The following ATXN7L1 variants were observed in gnomAD, a reference collection of about 807,000 sequenced individuals.
ATXN7L1 encodes the protein ataxin 7 like 1.
ATXN7L1 carries 15 observed loss-of-function variants against 70.8 expected under a neutral mutation model. The ratio of observed to expected loss-of-function variants is 0.21; its 90% CI spans 0.14 to 0.33. The LOEUF (loss-of-function observed/expected upper bound fraction) is 0.33, where lower values mean the gene tolerates loss of function less well. Ranked by LOEUF, ATXN7L1 falls within the 10% of genes least tolerant of loss-of-function variation. The probability of loss-of-function intolerance (pLI) is 1.00; values close to 1 mark genes in which losing one functional copy is unlikely to be tolerated. For missense variants in ATXN7L1, 975 were observed against 1,097.1 expected (o/e 0.89, Z 1.57); for synonymous variants, 440 against 445.1 (o/e 0.99, Z 0.14).
intron 2 of ATXN7L1, among the ~76,000 whole-genome samples, chr7:105,844,098 G>T (rs1323037083): frequency 6.6e-6 from 1 of 152,128 alleles, no homozygotes; most frequent in Non-Finnish European, 1.5e-5. Context: ...ACTTCTTATA[G>T]CTTGGTAGCT....
intron 3 of ATXN7L1, among the ~76,000 whole-genome samples, chr7:105,755,675 C>T (rs1799718983): frequency 6.6e-6 from 1 of 152,194 alleles, no homozygotes; most frequent in South Asian, 2.1e-4. Flanking sequence ...GCTGGAATTT[C>T]AATTTCCCTC....
intron 2 of ATXN7L1, chr7:105,819,401 T>G: frequency 1.9e-6 from 1 of 522,538 alleles, no homozygotes. Flanking sequence ...ATAAAAAATT[T>G]AAAATTAGAG....
intron 3 of ATXN7L1, among the ~76,000 whole-genome samples, chr7:105,673,823 T>C (rs1235435733): frequency 6.6e-6 from 1 of 152,224 alleles, no homozygotes; most frequent in African/African-American, 2.4e-5. Flanking sequence ...GTGGAGGAGC[T>C]TGGGCTAGAA....
chr7:105,814,625 A>C (rs557794634), intron 2 of ATXN7L1, among the ~76,000 whole-genome samples: 21 of 152,248 alleles, frequency 1.4e-4, no homozygotes, highest in African/African-American at 4.8e-4. Flanking sequence ...TCCTCATTAC[A>C]CAGGCTTGTT....
At chr7:105,839,639 C>G (rs115613312) in intron 2 of ATXN7L1, among the ~76,000 whole-genome samples, 36 of 152,312 alleles carry the variant, frequency 2.4e-4, no homozygotes, top group African/African-American at 8.7e-4. Context: ...AACTTAAACA[C>G]CCCACAAGGG....
At chr7:105,741,693 C>T (rs1459251618) in intron 3 of ATXN7L1, among the ~76,000 whole-genome samples, 1 of 152,124 alleles carries the variant, frequency 6.6e-6, no homozygotes, top group Non-Finnish European at 1.5e-5. Flanking sequence ...CACCTGTGAA[C>T]GTGACCTTAT....
intron 4 of ATXN7L1, among the ~76,000 whole-genome samples, chr7:105,659,791 G>A (rs927144439): frequency 6.6e-5 from 10 of 151,750 alleles, no homozygotes; most frequent in Admixed American, 1.3e-4. Flanking sequence ...CCATGCCCAC[G>A]TCTACACTGA....
At chr7:105,873,869 T>A (rs769702680) in intron 2 of ATXN7L1, among the ~76,000 whole-genome samples, 1 of 152,210 alleles carries the variant, frequency 6.6e-6, no homozygotes, top group Non-Finnish European at 1.5e-5. Flanking sequence ...GGCTCATGCC[T>A]GTAATTCCAG....
intron 3 of ATXN7L1, among the ~76,000 whole-genome samples, chr7:105,674,901 C>T (rs542335145): frequency 2.2e-4 from 34 of 152,272 alleles, no homozygotes; most frequent in African/African-American, 8.2e-4. Context: ...CCTCACAAGA[C>T]ACCTAGACTA....
At chr7:105,799,481 G>A (rs1219299718) in intron 2 of ATXN7L1, among the ~76,000 whole-genome samples, 3 of 65,460 alleles carry the variant, frequency 4.6e-5, no homozygotes, top group African/African-American at 6.2e-5. Flanking sequence ...GTCTTAATGG[G>A]TCCTACTGGC....
chr7:105,744,564 A>G (rs1368185606), intron 3 of ATXN7L1, among the ~76,000 whole-genome samples: 1 of 152,008 alleles, frequency 6.6e-6, no homozygotes, highest in Admixed American at 6.6e-5. Context: ...ACCCCCTTAA[A>G]AAAGCCTTCC....
intron 4 of ATXN7L1, among the ~76,000 whole-genome samples, chr7:105,659,219 CACATT>C (rs1364364684): frequency 6.6e-6 from 1 of 152,232 alleles, no homozygotes; most frequent in East Asian, 1.9e-4. Flanking sequence ...ATGTGTGTCA[CACATT>C]ACATTTCTAT....
At chr7:105,679,741 G>T (rs1021841230) in intron 3 of ATXN7L1, among the ~76,000 whole-genome samples, 1 of 152,080 alleles carries the variant, frequency 6.6e-6, no homozygotes, top group Non-Finnish European at 1.5e-5. Context: ...AAACCATAGA[G>T]ACAGAAAGCC....
At chr7:105,845,845 C>G (rs1217171448) in intron 2 of ATXN7L1, among the ~76,000 whole-genome samples, 1 of 152,040 alleles carries the variant, frequency 6.6e-6, no homozygotes, top group Non-Finnish European at 1.5e-5. Context: ...ACTGGATAGC[C>G]ACATGAAAAA....
chr7:105,849,612 C>T (rs1585147294), intron 2 of ATXN7L1, among the ~76,000 whole-genome samples: 1 of 152,352 alleles, frequency 6.6e-6, no homozygotes, highest in East Asian at 1.9e-4. Context: ...TTCATGACAC[C>T]TCTTCTCCTC....
At chr7:105,613,291 A>C (rs1437765537) in intron 10 of ATXN7L1, among the ~76,000 whole-genome samples, 1 of 152,134 alleles carries the variant, frequency 6.6e-6, no homozygotes, top group Non-Finnish European at 1.5e-5. Context: ...GTTTTTCTTT[A>C]GGAAGGAAAG....
chr7:105,803,425 C>T (rs1273953338), intron 2 of ATXN7L1, among the ~76,000 whole-genome samples: 1 of 152,228 alleles, frequency 6.6e-6, no homozygotes, highest in Non-Finnish European at 1.5e-5. Context: ...AGTGGAGGGA[C>T]GGCTCCAGCC....
At chr7:105,824,001 A>G (rs1349772395) in intron 2 of ATXN7L1, among the ~76,000 whole-genome samples, 1 of 152,130 alleles carries the variant, frequency 6.6e-6, no homozygotes, top group Non-Finnish European at 1.5e-5. Flanking sequence ...GACAGGAGGC[A>G]TGGTGAAGGG....
chr7:105,614,407 T>C lies in ATXN7L1; in HGVS notation c.1927A>G (p.Lys643Glu). 1 of 1,551,858 alleles carries C rather than the reference T, an allele frequency of 6.4e-7. No homozygotes were observed. The highest frequency in any genetic ancestry group is 8.7e-7 in the Non-Finnish European group (1 of 1,146,924). Reference protein sequence around the residue: ...STRSDESPSNKKRKPQSSTSS... With the variant: ...STRSDESPSNEKRKPQSSTSS... ...GTCGAAGACTGTGGCTTCCTTTTTT[T>C]GTTACTTGGAGACTCGTCGCTACGG... is the stretch of plus-strand genomic sequence containing the variant. Residue 643 changes from lysine to glutamate, a missense_variant, in exon 10 of 12, where the codon AAA becomes GAA. By Grantham distance (56) the Lys-to-Glu change is moderately conservative (BLOSUM62 1). Coordinates refer to ENST00000419735, the MANE Select transcript of ATXN7L1 (RefSeq NM_020725.2). This position sits in a 1 kb window ranked among gnomAD's most constrained non-coding sequence, Gnocchi z 4.3.
Sources: allele counts gnomAD v4.1 joint callset (sites outside exome capture counted in the v4.1 genomes callset), GRCh38; gene constraint gnomAD v4.1.1; non-coding constraint Gnocchi (gnomAD v3.1); transcripts MANE v1.5; gene names NCBI Gene and HGNC (gene_info 2026-07-23, HGNC 2026-07-21).